The following PDHA1 variants were observed in gnomAD, a reference collection of about 807,000 sequenced individuals.
PDHA1 encodes the protein pyruvate dehydrogenase E1 component subunit alpha, somatic form, mitochondrial.
Under a neutral mutation model 33.0 loss-of-function variants are expected in PDHA1, and 1 was observed. That is an observed-to-expected ratio of 0.03 (90% CI 0.01 to 0.14). The LOEUF (loss-of-function observed/expected upper bound fraction) is 0.14, where lower values mean the gene tolerates loss of function less well. Among genes scored for constraint, PDHA1 ranks in the 10% least tolerant of loss-of-function variants. The probability of loss-of-function intolerance (pLI) is 1.00; values close to 1 mark genes in which losing one functional copy is unlikely to be tolerated. For synonymous variants in PDHA1, 123 were observed against 119.2 expected (o/e 1.03, Z -0.21); for missense variants, 168 against 325.1 (o/e 0.52, Z 3.72).
In PDHA1 at chrX:19,344,044, A is replaced by G; in HGVS notation, c.7A>G (p.Lys3Glu). MRKMLAAVSRVLS... is the reference protein window; with the variant it reads MREMLAAVSRVLS... ...CCGCCACTGCCTGTGCTTCATGAGG[A>G]AGATGCTCGCCGCCGTCTCCCGCGT... Residue 3 changes from lysine (K) to glutamate (E), a missense_variant, in exon 1 of 11, where the codon AAG (lysine) becomes GAG (glutamate). Lys to Glu is a moderately conservative substitution (Grantham distance 56). This residue lies in a region of PDHA1 where 46 missense variants were observed against 47.4 expected (regional missense o/e 0.97). Coordinates refer to ENST00000422285, the MANE Select transcript of PDHA1 (RefSeq NM_000284.4). The G allele has an allele frequency of 8.3e-7, 1 of 1,208,122 alleles. No individual in the cohort carries two copies. Among genetic ancestry groups the G allele is most frequent in the Non-Finnish European group, 1.1e-6 (1 of 894,468 alleles).
intron 2 of PDHA1, 121 bp from the exon 3 acceptor site, chrX:19,349,816 G>A: frequency 1.8e-6 from 1 of 560,352 alleles, no homozygotes; most frequent in Non-Finnish European, 3.1e-6. Context: ...AAGCATTACT[G>A]ATGTGCTCCT....
chrX:19,351,450 T>C (rs188245617), intron 4 of PDHA1, 43 bp downstream of exon 4: 466 of 1,086,329 alleles, frequency 4.3e-4, no homozygotes, highest in Non-Finnish European at 5.8e-4. Context: ...GTGGATTAAG[T>C]TTTTAAATAT....
rs373318863 is a variant in PDHA1, at chrX:19,359,669, A to C, written c.*16A>C. On this transcript the variant is annotated 3_prime_UTR_variant, in exon 11 of 11. Transcript: ENST00000422285. ...AGTCAGTTAAGGGGAGGAGAAGGAGAGGTTATACCTTCAGGGGGCTACCAG... is the reference window on the plus strand; with the variant it reads ...AGTCAGTTAAGGGGAGGAGAAGGAGCGGTTATACCTTCAGGGGGCTACCAG... 4.4e-5 allele frequency: 52 copies of C among 1,186,867 alleles called. No individual in the cohort carries two copies. The African/African-American group carries it at 6.5e-4, about 15-fold the overall frequency.
rs2643456 is a variant in PDHA1, at chrX:19,355,513, A to G, written c.759+9A>G. On this transcript the variant is annotated intron_variant, in intron 7 of 10. Coordinates refer to ENST00000422285, the MANE Select transcript of PDHA1 (RefSeq NM_000284.4). ...TCATTCCTGGGCTGAGAGTAAGGAC[A>G]CCTGTGGTGGGGCCGGGGCCAAGGC... 5 of 1,201,344 alleles carry G rather than the reference A, an allele frequency of 4.2e-6. No individual in the cohort carries two copies. Among genetic ancestry groups the G allele is most frequent in the Non-Finnish European group, 5.6e-6 (5 of 894,402 alleles).
At chrX:19,356,682 G>GGGAGCCAGCTCCCCACTCGCCCATTTT (rs1569192212) in intron 8 of PDHA1, among the ~76,000 whole-genome samples, 3 of 100,539 alleles carry the variant, frequency 3.0e-5, no homozygotes, top group African/African-American at 1.4e-4. Context: ...GGGAGTTGTA[G>GGGAGCCAGCTCCCCACTCGCCCATTTT]AATGTAGTTG....
intron 1 of PDHA1, among the ~76,000 whole-genome samples, chrX:19,344,335 G>A (rs773455794): frequency 1.8e-5 from 2 of 113,347 alleles, no homozygotes; most frequent in South Asian, 7.1e-4. Context: ...CCCGCCCCCG[G>A]GCCCAGCTGT....
rs2063257592 is a variant in PDHA1, at chrX:19,359,933, C to T, written c.*280C>T. On this transcript the variant is annotated 3_prime_UTR_variant, in exon 11 of 11. Transcript: ENST00000422285. ...AGAACAATTCCTTGTATGCCTGTTT[C>T]CCCTGCCCCCAGCCACCTTTTTGGG... The T allele has an allele frequency of 5.9e-6, 2 of 339,762 alleles. No individual in the cohort carries two copies. Among genetic ancestry groups the T allele is most frequent in the Admixed American group, 4.4e-5 (1 of 22,841 alleles). 28.0% of individuals were successfully genotyped at this position (339,762 alleles called of 1,213,427 possible).
chrX:19,347,119 C>G (rs1229690307), intron 1 of PDHA1, among the ~76,000 whole-genome samples: 1 of 110,533 alleles, frequency 9.0e-6, no homozygotes, highest in African/African-American at 3.3e-5. Context: ...GCTTTGAACT[C>G]CTGGCTTCAA....
chrX:19,350,512 C>T (rs1463143831), intron 3 of PDHA1, among the ~76,000 whole-genome samples: 3 of 112,333 alleles, frequency 2.7e-5, no homozygotes, highest in African/African-American at 9.7e-5. Context: ...GTGGTCCGCC[C>T]ACCTTGGCCT....
intron 1 of PDHA1, chrX:19,345,752 C>CG (rs772910390): frequency 4.2e-4 from 110 of 261,776 alleles, no homozygotes; most frequent in African/African-American, 3.2e-3. Flanking sequence ...GGGTCCCCCC[C>CG]CCCCCGCCAC....
chrX:19,358,290 G>A (rs900496637), intron 9 of PDHA1, among the ~76,000 whole-genome samples: 2 of 112,360 alleles, frequency 1.8e-5, no homozygotes, highest in Non-Finnish European at 3.8e-5. Context: ...GACTTCTAAG[G>A]AAAAATCATG....
chrX:19,357,427 T>TGGCAGATTGCCTTATTAAAAATGAGAA, intron 8 of PDHA1: 1 of 433,011 alleles, frequency 2.3e-6, no homozygotes, highest in Non-Finnish European at 4.1e-6. Flanking sequence ...AACAAGCTGT[T>TGGCAGATTGCCTTATTAAAAATGAGAA]GGCAGATTGC....
chrX:19,357,312 T>C, intron 8 of PDHA1: 1 of 273,598 alleles, frequency 3.7e-6, no homozygotes, highest in Non-Finnish European at 6.7e-6. Flanking sequence ...TCCAGGCTAG[T>C]CTCGAACTCC....
chrX:19,353,191 T>C lies in PDHA1; in HGVS notation c.510+18T>C, dbSNP rs775239693. 3.5e-6 allele frequency: 4 copies of C among 1,150,277 alleles called. No homozygotes were observed. The African/African-American group carries it at 5.3e-5, about 15-fold the overall frequency. 94.8% of individuals were successfully genotyped at this position (1,150,277 alleles called of 1,213,427 possible). On this transcript the variant is annotated intron_variant, in intron 5 of 10. Transcript: ENST00000422285. The stretch of plus-strand genomic sequence containing the variant: ...GAGCGCAGGTAGTCAAGGACGAGGA[T>C]TGTGTGCTGCTTTAGATTTGGCCCT...
At position 19,359,963 on chromosome X, in the gene PDHA1, G is replaced by A. The variant is rs2063258424; in HGVS notation, c.*310G>A. ...GCCCCCAGCCACCTTTTTGGGAGGA[G>A]ACCATTATGGCGGGGCCCCTCACAG... is the stretch of plus-strand genomic sequence containing the variant. On this transcript the variant is annotated 3_prime_UTR_variant, in exon 11 of 11. Transcript: ENST00000422285. 2 of 311,302 alleles carry A rather than the reference G, an allele frequency of 6.4e-6. No homozygotes were observed. The highest frequency in any genetic ancestry group is 1.2e-5 in the Non-Finnish European group (2 of 172,751). The allele number at this position is 311,302 out of a possible 1,213,427, so 25.7% of individuals were successfully genotyped here.
At chrX:19,355,183 T>A (rs1456779257) in intron 6 of PDHA1, 166 bp from the exon 7 acceptor site, 5 of 560,473 alleles carry the variant, frequency 8.9e-6, no homozygotes, top group South Asian at 5.0e-5. Flanking sequence ...CTACTTCTCC[T>A]CCACCACCCA....
In PDHA1 at chrX:19,361,127, T is replaced by C; in HGVS notation, c.*1474T>C. ...CCACCCACTCCCAGCCAGGCATTAA[T>C]GGCAGGAGATTGGCCAGCTCTTCTC... On this transcript the variant is annotated 3_prime_UTR_variant, in exon 11 of 11. Transcript: ENST00000422285. The C allele has an allele frequency of 2.4e-6, 1 of 424,526 alleles. No individual in the cohort carries two copies. The allele number at this position is 424,526 out of a possible 1,213,427, so 35.0% of individuals were successfully genotyped here. A position where few individuals can be genotyped will look rare whatever the true frequency, so the allele number is the denominator to read the frequency against.
In PDHA1 at chrX:19,343,936, G is replaced by A; in HGVS notation, c.-102G>A. On this transcript the variant is annotated 5_prime_UTR_variant, in exon 1 of 11. Transcript: ENST00000422285. ...GACTCTGTCACGCCGCGGTGCGACT[G>A]AGGCGTGGCGTCTGCTGGGGCACCT... The A allele has an allele frequency of 1.3e-6, 1 of 759,666 alleles. No individual in the cohort carries two copies. Among genetic ancestry groups the A allele is most frequent in the Non-Finnish European group, 2.0e-6 (1 of 497,315 alleles). The allele number at this position is 759,666 out of a possible 1,213,427, so 62.6% of individuals were successfully genotyped here. A position where few individuals can be genotyped will look rare whatever the true frequency, so the allele number is the denominator to read the frequency against.
chrX:19,359,046 GGTTTGAAGGTTGGCTTT>G (rs749319454), intron 10 of PDHA1, 22 bp downstream of exon 10: 2 of 1,020,901 alleles, frequency 2.0e-6, no homozygotes, highest in Admixed American at 4.4e-5. Flanking sequence ...TGTTCATGGT[GGTTTGAAGGTTGGCTTT>G]AAAAGTTGCC....
Sources: allele counts gnomAD v4.1 joint callset (sites outside exome capture counted in the v4.1 genomes callset), GRCh38; gene constraint gnomAD v4.1.1; regional missense constraint gnomAD v4.1.1; transcripts MANE v1.5; gene names NCBI Gene and HGNC (gene_info 2026-07-23, HGNC 2026-07-21).